Variants in PCDH15 observed in about 807,000 individuals in gnomAD.
PCDH15 encodes protocadherin-15.
A neutral mutation model predicts 178.5 loss-of-function variants in PCDH15; 129 were observed. That is an observed-to-expected ratio of 0.72 (90% confidence interval 0.63 to 0.84). The LOEUF (loss-of-function observed/expected upper bound fraction) is 0.84. Among genes scored for constraint, PCDH15 ranks in the 40% least tolerant of loss-of-function variants. PCDH15 has a pLI of 0.00. For missense variants in PCDH15, 2,230 were observed against 2,099.9 expected (o/e 1.06, Z -1.21); for synonymous variants, 800 against 732.0 (o/e 1.09, Z -1.50).
intron 2 of PCDH15, among the ~76,000 whole-genome samples, chr10:55,451,497 C>CA (rs34132486): frequency 1.3e-5 from 2 of 150,582 alleles, no homozygotes; most frequent in South Asian, 2.1e-4. Context: ...GACTCCGTCT[C>CA]AAAAAAAAAT....
intron 2 of PCDH15, among the ~76,000 whole-genome samples, chr10:55,343,764 T>C (rs1844666834): frequency 2.0e-5 from 3 of 152,174 alleles, no homozygotes; most frequent in African/African-American, 4.8e-5. Flanking sequence ...TGAACTTTTA[T>C]TAACTTATTC....
At chr10:55,112,705 T>C (rs1021609332) in intron 2 of PCDH15, among the ~76,000 whole-genome samples, 3 of 152,132 alleles carry the variant, frequency 2.0e-5, no homozygotes, top group African/African-American at 4.8e-5. Context: ...TTAAAGCTCA[T>C]GCATATGGAA....
chr10:54,185,232 A>G lies in PCDH15; in HGVS notation c.1342T>C (p.Tyr448His), dbSNP rs1207781249. The change falls in exon 12 of 38, where the codon TAC becomes CAC. Residue 448 changes from tyrosine (Y) to histidine (H), a missense_variant. By Grantham distance (83) the Tyr-to-His change is moderately conservative (BLOSUM62 2). Transcript: ENST00000644397. ...TGTGTGACGGTGAAGACTGAGGTGT[A>G]GTCATTCAGAAAAAGGTGAAGCTCT... ...DPELHLFLND[Y>H]TSVFTVTQTG... is the part of the protein sequence containing the mutation. 2 of 1,613,558 alleles carry G rather than the reference A, an allele frequency of 1.2e-6. No individual in the cohort carries two copies. The highest frequency in any genetic ancestry group is 2.2e-5 in the East Asian group (1 of 44,822).
chr10:54,953,886 T>G (rs1285635767), intron 2 of PCDH15, among the ~76,000 whole-genome samples: 2 of 151,318 alleles, frequency 1.3e-5, no homozygotes, highest in East Asian at 3.9e-4. Flanking sequence ...TATCTAAGTT[T>G]CTTTCTAGCA....
chr10:54,247,534 C>A (rs1481733276), intron 8 of PCDH15, among the ~76,000 whole-genome samples: 1 of 151,876 alleles, frequency 6.6e-6, no homozygotes, highest in Non-Finnish European at 1.5e-5. Flanking sequence ...ATTTCAATAT[C>A]TTTGAGCTTC....
intron 9 of PCDH15, among the ~76,000 whole-genome samples, chr10:54,215,477 T>C (rs1048357947): frequency 6.6e-6 from 1 of 152,072 alleles, no homozygotes; most frequent in African/African-American, 2.4e-5. Context: ...CAGAAAATCA[T>C]AGAGTTTCAT....
At chr10:54,158,749 A>T (rs1258312805) in intron 13 of PCDH15, among the ~76,000 whole-genome samples, 1 of 152,240 alleles carries the variant, frequency 6.6e-6, no homozygotes, top group Non-Finnish European at 1.5e-5. Flanking sequence ...CATATGCAAG[A>T]ATATAAATTG....
intron 14 of PCDH15, among the ~76,000 whole-genome samples, chr10:54,152,401 T>C (rs2044628751): frequency 6.6e-6 from 1 of 152,024 alleles, no homozygotes; most frequent in Non-Finnish European, 1.5e-5. Context: ...TGTTTATCAA[T>C]AATAGACTTC....
rs372308940 is a variant in PCDH15 at position 53,914,481 on chromosome 10, G to C, written c.3374-11111C>G. Among the ~76,000 whole-genome samples the C allele has an allele frequency of 5.3e-5, 8 of 152,184 alleles. No individual in the cohort carries two copies. In the South Asian group the frequency reaches 1.7e-3, roughly 32 times the overall value. ...CCTTTGGAGGGACATGGATGAAGTT[G>C]GAAACCATCATTCTTAGCAAACTAT... On this transcript the variant is annotated intron_variant, in intron 25 of 37. Coordinates refer to ENST00000644397, the MANE Select transcript of PCDH15 (RefSeq NM_001384140.1).
intron 21 of PCDH15, among the ~76,000 whole-genome samples, chr10:53,973,579 T>A (rs1413763771): frequency 1.3e-5 from 2 of 152,208 alleles, no homozygotes; most frequent in African/African-American, 2.4e-5. Flanking sequence ...ATTACTTTCT[T>A]AAAGTTCTTA....
intron 1 of PCDH15, among the ~76,000 whole-genome samples, chr10:55,178,575 A>ACTT (rs1297239530): frequency 6.6e-6 from 1 of 152,038 alleles, no homozygotes; most frequent in Admixed American, 6.6e-5. Context: ...ACTTCTTTCT[A>ACTT]CTTCTTCAGC....
At chr10:54,177,003 T>G (rs1452854050) in intron 13 of PCDH15, among the ~76,000 whole-genome samples, 2 of 151,558 alleles carry the variant, frequency 1.3e-5, no homozygotes, top group African/African-American at 2.4e-5. Context: ...TTATTAATAA[T>G]GGCCAAAACT....
intron 18 of PCDH15, among the ~76,000 whole-genome samples, chr10:54,028,765 A>C (rs2135396388): frequency 7.8e-6 from 1 of 128,484 alleles, no homozygotes. Flanking sequence ...AGGAAGGGGA[A>C]TATCACACTC....
chr10:55,004,542 C>T (rs1353000662), intron 2 of PCDH15, among the ~76,000 whole-genome samples: 4 of 152,172 alleles, frequency 2.6e-5, no homozygotes, highest in African/African-American at 4.8e-5. Flanking sequence ...CCTCACCTAT[C>T]ATGATTGTCT....
chr10:54,350,804 T>C (rs1944053324), intron 5 of PCDH15, among the ~76,000 whole-genome samples: 1 of 151,852 alleles, frequency 6.6e-6, no homozygotes, highest in Non-Finnish European at 1.5e-5. Context: ...AGAGTAGAGA[T>C]AGATAGATAG....
At chr10:54,848,557 G>C (rs868445780) in intron 3 of PCDH15, among the ~76,000 whole-genome samples, 2 of 151,962 alleles carry the variant, frequency 1.3e-5, no homozygotes, top group African/African-American at 4.8e-5. Context: ...CCAGCAAGAA[G>C]GCTTTCACCA....
intron 2 of PCDH15, among the ~76,000 whole-genome samples, chr10:54,550,480 G>A (rs1171386007): frequency 1.9e-5 from 2 of 104,720 alleles, no homozygotes; most frequent in Non-Finnish European, 3.7e-5. Context: ...GTGCCTTAGT[G>A]TATGTGTCTG....
intron 8 of PCDH15, among the ~76,000 whole-genome samples, chr10:54,254,922 T>TC (rs2056781172): frequency 6.6e-6 from 1 of 151,956 alleles, no homozygotes; most frequent in Admixed American, 6.6e-5. Context: ...TAATTTTTTT[T>TC]CTTTCTCCTT....
chr10:53,961,888 A>G lies in PCDH15; in HGVS notation c.2873T>C (p.Leu958Ser), dbSNP rs2088369838. 2 of 1,606,148 alleles carry G rather than the reference A, an allele frequency of 1.2e-6. No individual in the cohort carries two copies. Among genetic ancestry groups the G allele is most frequent in the Middle Eastern group, 1.7e-4 (1 of 6,044 alleles). ...TCTATACCTCACACGACTTGCAGGT[A>G]ATCCCTAAAATAAAATTATTAATTA... ...VYAEDADPPG[L>S]PASRVRYRVD... Residue 958 changes from leucine to serine, a missense_variant, in exon 22 of 38, where the codon TTA becomes TCA. Physicochemically the swap from Leu to Ser is moderately radical, Grantham distance 145 (BLOSUM62 -2). Coordinates refer to ENST00000644397, the MANE Select transcript of PCDH15 (RefSeq NM_001384140.1).
Sources: allele counts gnomAD v4.1 joint callset (sites outside exome capture counted in the v4.1 genomes callset), GRCh38; gene constraint gnomAD v4.1.1; transcripts MANE v1.5; gene names NCBI Gene and HGNC (gene_info 2026-07-23, HGNC 2026-07-21).